The following PLXNA4 variants were observed in gnomAD, a reference collection of about 807,000 sequenced individuals.
The protein encoded by PLXNA4 is plexin-A4.
Under a neutral mutation model 191.8 loss-of-function variants are expected in PLXNA4, and 44 were observed. The ratio of observed to expected loss-of-function variants is 0.23; its 90% CI spans 0.18 to 0.29. The LOEUF is 0.29. PLXNA4 is among the 10% of genes least tolerant of loss of function. The pLI is 1.00. For missense variants in PLXNA4, 1,800 were observed against 2,488.8 expected (o/e 0.72, Z 5.89); for synonymous variants, 1,082 against 1,009.5 (o/e 1.07, Z -1.36).
chr7:132,479,012 A>G (rs984246672), intron 3 of PLXNA4, among the ~76,000 whole-genome samples: 2 of 152,162 alleles, frequency 1.3e-5, no homozygotes, highest in Admixed American at 1.3e-4. Context: ...TCATACCTGT[A>G]ATCTCAGAAT....
intron 5 of PLXNA4, among the ~76,000 whole-genome samples, chr7:132,238,760 T>C (rs1483713129): frequency 6.6e-6 from 1 of 151,644 alleles, no homozygotes; most frequent in Non-Finnish European, 1.5e-5. Flanking sequence ...AAGAGAAGCA[T>C]GCAGTTACAG....
intron 4 of PLXNA4, among the ~76,000 whole-genome samples, chr7:132,269,137 T>C (rs1440792275): frequency 1.3e-5 from 2 of 152,184 alleles, no homozygotes; most frequent in South Asian, 2.1e-4. Flanking sequence ...CCAGTACTTG[T>C]GGCAGCTCTG....
At chr7:132,618,090 G>A (rs73432832) in intron 2 of PLXNA4, among the ~76,000 whole-genome samples, 6,259 of 152,250 alleles carry the variant, frequency 0.041, 416 homozygotes, top group African/African-American at 0.14. Flanking sequence ...GGTCTCATGG[G>A]CCAGAATTGA....
chr7:132,447,264 T>A (rs1795947412), intron 3 of PLXNA4, among the ~76,000 whole-genome samples: 1 of 152,170 alleles, frequency 6.6e-6, no homozygotes. Context: ...GTGCTCTCAC[T>A]GTGTCAGAAC....
At chr7:132,370,548 T>C (rs1563061764) in intron 3 of PLXNA4, among the ~76,000 whole-genome samples, 1 of 152,238 alleles carries the variant, frequency 6.6e-6, no homozygotes, top group African/African-American at 2.4e-5. Context: ...ATCCTTTATC[T>C]GTATTTGGTT....
intron 2 of PLXNA4, among the ~76,000 whole-genome samples, chr7:132,621,198 CCTAA>C (rs1803253799): frequency 6.6e-6 from 1 of 151,720 alleles, no homozygotes; most frequent in Admixed American, 6.6e-5. Flanking sequence ...TTACCTAGTC[CCTAA>C]CTGCTGGTCA....
At chr7:132,620,628 T>C (rs191107066) in intron 2 of PLXNA4, among the ~76,000 whole-genome samples, 1 of 152,202 alleles carries the variant, frequency 6.6e-6, no homozygotes, top group Non-Finnish European at 1.5e-5. Context: ...CATAAATGTA[T>C]ATGTACTTAG....
chr7:132,544,365 C>G (rs1800205361), intron 1 of PLXNA4, among the ~76,000 whole-genome samples: 1 of 152,174 alleles, frequency 6.6e-6, no homozygotes, highest in South Asian at 2.1e-4. Context: ...AGAGAGCAAC[C>G]CATTTTGTGA....
At chr7:132,165,667 T>A (rs1335027236) in intron 22 of PLXNA4, among the ~76,000 whole-genome samples, 1 of 151,738 alleles carries the variant, frequency 6.6e-6, no homozygotes, top group Non-Finnish European at 1.5e-5. Context: ...GCTATCCTAT[T>A]AGATAGTATA....
intron 2 of PLXNA4, among the ~76,000 whole-genome samples, chr7:132,592,055 G>T (rs11973704): frequency 0.019 from 2,952 of 152,280 alleles, 85 homozygotes; most frequent in African/African-American, 0.065. Flanking sequence ...AAGCCAGCCA[G>T]AGAGGTGACC....
At chr7:132,456,882 A>G (rs1796335412) in intron 3 of PLXNA4, among the ~76,000 whole-genome samples, 1 of 152,342 alleles carries the variant, frequency 6.6e-6, no homozygotes, top group Admixed American at 6.5e-5. Flanking sequence ...TTTGTCTCAC[A>G]TTCCCCAGTT....
intron 4 of PLXNA4, among the ~76,000 whole-genome samples, chr7:132,262,745 G>T (rs1799695773): frequency 6.6e-6 from 1 of 152,160 alleles, no homozygotes; most frequent in South Asian, 2.1e-4. Context: ...GGAAGGGGGA[G>T]CTCCTCTGCT....
At chr7:132,376,981 C>G (rs1804682602) in intron 3 of PLXNA4, among the ~76,000 whole-genome samples, 1 of 152,240 alleles carries the variant, frequency 6.6e-6, no homozygotes, top group African/African-American at 2.4e-5. Flanking sequence ...ATTGCTCTCT[C>G]TTCATCAAAC....
At chr7:132,421,252 A>G (rs1355834246) in intron 3 of PLXNA4, among the ~76,000 whole-genome samples, 2 of 152,206 alleles carry the variant, frequency 1.3e-5, no homozygotes, top group African/African-American at 2.4e-5. Context: ...GTTCATCTAC[A>G]TTGTAGCATG....
chr7:132,592,256 G>A (rs1294307427), intron 2 of PLXNA4, among the ~76,000 whole-genome samples: 3 of 152,136 alleles, frequency 2.0e-5, no homozygotes, highest in Non-Finnish European at 2.9e-5. Flanking sequence ...TTTAGAAAGA[G>A]CCTCTCTTTC....
Position 132,445,450 on chromosome 7 carries a change from C to A in PLXNA4, c.1371+43842G>T, listed in dbSNP as rs547464098. On this transcript the variant is annotated intron_variant, in intron 3 of 31. Coordinates refer to ENST00000321063, the MANE Select transcript of PLXNA4 (RefSeq NM_020911.2). ...CATCAGTGCCCCTGTGGGTCTTCCC[C>A]CTGAAAGCATCTCACACAACACATC... Among the ~76,000 whole-genome samples, 5 of 151,502 alleles carry A rather than the reference C, an allele frequency of 3.3e-5. No individual in the cohort carries two copies. The South Asian group carries it at 1.0e-3, about 32-fold the overall frequency.
intron 25 of PLXNA4, among the ~76,000 whole-genome samples, chr7:132,156,679 T>A (rs576539738): frequency 6.6e-6 from 1 of 152,324 alleles, no homozygotes; most frequent in South Asian, 2.1e-4. Context: ...GTGCTATGCG[T>A]CCCTTTGGCA....
intron 1 of PLXNA4, among the ~76,000 whole-genome samples, chr7:132,647,517 A>G (rs1412597064): frequency 6.6e-6 from 1 of 151,332 alleles, no homozygotes; most frequent in Non-Finnish European, 1.5e-5. Flanking sequence ...ACACTCAAAA[A>G]CACATGCTAT....
intron 3 of PLXNA4, among the ~76,000 whole-genome samples, chr7:132,422,695 A>T (rs1158325816): frequency 2.0e-5 from 3 of 152,216 alleles, no homozygotes; most frequent in Non-Finnish European, 4.4e-5. Context: ...TTAGGTTTGC[A>T]GAGGGAAGGG....
Sources: allele counts gnomAD v4.1 joint callset (sites outside exome capture counted in the v4.1 genomes callset), GRCh38; gene constraint gnomAD v4.1.1; transcripts MANE v1.5; gene names NCBI Gene and HGNC (gene_info 2026-07-23, HGNC 2026-07-21).